The following GFRA2 variants were observed in gnomAD, a reference collection of about 807,000 sequenced individuals.
GFRA2 encodes GDNF family receptor alpha 2, also known as GDNF family receptor alpha-2.
GFRA2 carries 17 observed loss-of-function variants against 48.3 expected under a neutral mutation model. The ratio of observed to expected loss-of-function variants is 0.35; its 90% CI spans 0.24 to 0.53. GFRA2 has a LOEUF of 0.53. GFRA2 is among the 20% of genes least tolerant of loss of function. The pLI, the probability that GFRA2 is intolerant of heterozygous loss-of-function variation, is 0.93. For missense variants in GFRA2, 660 were observed against 637.3 expected, an observed-to-expected ratio of 1.04 and a Z score of -0.38; for synonymous variants, 305 against 257.2, an observed-to-expected ratio of 1.19 and a Z score of -1.78.
In GFRA2 at chr8:21,782,813, C is replaced by G; in HGVS notation, c.127G>C (p.Ala43Pro). The change falls in exon 2 of 9, where the codon GCC (alanine) becomes CCC (proline). Residue 43 changes from alanine (A) to proline (P), a missense_variant. Physicochemically the swap from Ala to Pro is conservative, Grantham distance 27 (BLOSUM62 -1). Coordinates refer to ENST00000524240, the MANE Select transcript of GFRA2 (RefSeq NM_001495.5). The stretch of plus-strand genomic sequence containing the variant: ...GATTCGGCGGCACACAGCTCATTGG[C>G]CCGGACACAGTCCACTGGGGGGCGC... ...GWRPPVDCVR[A>P]NELCAAESNC... The G allele has an allele frequency of 1.3e-6, 2 of 1,576,710 alleles. No individual in the cohort carries two copies. Among genetic ancestry groups the G allele is most frequent in the Non-Finnish European group, 1.7e-6 (2 of 1,167,028 alleles).
intron 2 of GFRA2, among the ~76,000 whole-genome samples, chr8:21,804,199 T>C (rs978516931): frequency 1.6e-5 from 2 of 123,430 alleles, no homozygotes; most frequent in Non-Finnish European, 1.5e-5. Flanking sequence ...CATACATACA[T>C]GCACACACAC....
In GFRA2 at chr8:21,691,549, T is replaced by C. The variant is rs1801883766; in HGVS notation, c.*1729A>G. ...GACCCAAAAGGCCAGGTCACTGCAC[T>C]CACAATCACACATCTCAAATAAGCC... On this transcript the variant is annotated 3_prime_UTR_variant, in exon 9 of 9. Transcript: ENST00000524240. The C allele has an allele frequency of 6.6e-6, 1 of 152,292 alleles. No individual in the cohort carries two copies. The highest frequency in any genetic ancestry group is 2.4e-5 in the African/African-American group (1 of 41,462). 9.4% of individuals were successfully genotyped at this position (152,292 alleles called of 1,614,324 possible).
At chr8:21,739,229 A>G (rs1181610884) in intron 4 of GFRA2, among the ~76,000 whole-genome samples, 1 of 152,144 alleles carries the variant, frequency 6.6e-6, no homozygotes, top group Admixed American at 6.5e-5. Flanking sequence ...CTCATAAGTC[A>G]ATGTCCTCAT....
intron 3 of GFRA2, among the ~76,000 whole-genome samples, chr8:21,764,311 G>C (rs1384149808): frequency 6.6e-6 from 1 of 152,074 alleles, no homozygotes; most frequent in Non-Finnish European, 1.5e-5. Flanking sequence ...AGGGGCAAGT[G>C]AGCTCTCCAG....
intron 1 of GFRA2, among the ~76,000 whole-genome samples, chr8:21,808,408 G>C (rs1165493819): frequency 1.3e-5 from 2 of 152,220 alleles, no homozygotes; most frequent in African/African-American, 4.8e-5. Context: ...GCATTGCTAT[G>C]ATGGAGGAGG....
Position 21,811,655 on chromosome 8 carries a change from C to G in GFRA2, c.-148+576G>C, listed in dbSNP as rs570115189. ...AGGGACCCTGGCCTTCTCCTGCATA[C>G]AAGTCCTCCCCCCGCCTTCCCCACA... On this transcript the variant is annotated intron_variant, in intron 1 of 10. Coordinates refer to the GFRA2 transcript ENST00000517328. Among the ~76,000 whole-genome samples, 246 of 152,196 alleles carry G rather than the reference C, an allele frequency of 1.6e-3. 1 individual carries two copies. Among genetic ancestry groups the G allele is most frequent in the Middle Eastern group, 6.8e-3 (2 of 294 alleles).
intron 4 of GFRA2, among the ~76,000 whole-genome samples, chr8:21,741,096 TCA>T (rs1804723416): frequency 6.6e-6 from 1 of 152,212 alleles, no homozygotes; most frequent in African/African-American, 2.4e-5. Flanking sequence ...ATCTTTCTTA[TCA>T]CAGTTTTTCA....
intron 2 of GFRA2, among the ~76,000 whole-genome samples, chr8:21,795,402 T>A (rs1807653014): frequency 6.6e-6 from 1 of 152,142 alleles, no homozygotes; most frequent in Non-Finnish European, 1.5e-5. Context: ...TTATTTATTT[T>A]TTTTATTTGA....
At chr8:21,779,068 C>T (rs1806847612) in intron 2 of GFRA2, among the ~76,000 whole-genome samples, 1 of 151,426 alleles carries the variant, frequency 6.6e-6, no homozygotes, top group South Asian at 2.1e-4. Context: ...GTCATAGTAG[C>T]AGGCTCCAGT....
chr8:21,743,863 C>T (rs1804868700), intron 4 of GFRA2, among the ~76,000 whole-genome samples: 1 of 152,170 alleles, frequency 6.6e-6, no homozygotes, highest in Non-Finnish European at 1.5e-5. Flanking sequence ...GGAAGAGGTT[C>T]CTATGCTTTG....
At chr8:21,700,486 C>T (rs1014061219) in intron 7 of GFRA2, among the ~76,000 whole-genome samples, 2 of 152,186 alleles carry the variant, frequency 1.3e-5, no homozygotes, top group Admixed American at 6.5e-5. Context: ...CCACTCCCAC[C>T]GTGGGAAAGT....
At chr8:21,727,093 G>A (rs968318171) in intron 4 of GFRA2, among the ~76,000 whole-genome samples, 1 of 152,050 alleles carries the variant, frequency 6.6e-6, no homozygotes, top group Non-Finnish European at 1.5e-5. Context: ...CTGAAGTTCC[G>A]GGTGGACATA....
At chr8:21,775,953 T>C (rs927743649) in intron 2 of GFRA2, among the ~76,000 whole-genome samples, 2 of 151,656 alleles carry the variant, frequency 1.3e-5, no homozygotes, top group Non-Finnish European at 2.9e-5. Flanking sequence ...TGAGACGTTA[T>C]TGGTGAGGGG....
intron 4 of GFRA2, among the ~76,000 whole-genome samples, chr8:21,739,885 A>G (rs1248112554): frequency 6.6e-6 from 1 of 152,150 alleles, no homozygotes; most frequent in Admixed American, 6.6e-5. Context: ...CTGGGCCATC[A>G]AGGTTGCTCA....
chr8:21,778,527 C>T (rs75620886), intron 2 of GFRA2, among the ~76,000 whole-genome samples: 1 of 152,354 alleles, frequency 6.6e-6, no homozygotes, highest in South Asian at 2.1e-4. Flanking sequence ...AGTGCTGTTA[C>T]CTTCTGAGGC....
rs942326277 is a variant in GFRA2, at chr8:21,783,637, C to T, written c.41-738G>A. Among the ~76,000 whole-genome samples the T allele has an allele frequency of 8.5e-5, 13 of 152,056 alleles. No individual in the cohort carries two copies. The East Asian group carries it at 9.7e-4, about 11-fold the overall frequency. ...GAGGAGCTACCCCTTTCCCCCCTCACCCCTCCACACCTTCTAGTCCAACTT... is the reference window on the plus strand; with the variant it reads ...GAGGAGCTACCCCTTTCCCCCCTCATCCCTCCACACCTTCTAGTCCAACTT... On this transcript the variant is annotated intron_variant, in intron 1 of 8. Transcript: ENST00000524240.
intron 2 of GFRA2, among the ~76,000 whole-genome samples, chr8:21,781,875 G>T (rs1318996421): frequency 6.6e-6 from 1 of 152,168 alleles, no homozygotes. Context: ...TTGGCGGGGG[G>T]ACTTATAGGT....
chr8:21,704,855 C>T, intron 6 of GFRA2, 130 bp downstream of exon 6: 2 of 752,040 alleles, frequency 2.7e-6, no homozygotes, highest in East Asian at 2.7e-5. Flanking sequence ...TCCCCACGGG[C>T]AACACCCATG....
intron 4 of GFRA2, among the ~76,000 whole-genome samples, chr8:21,711,023 T>C (rs62492241): frequency 2.0e-5 from 3 of 152,196 alleles, no homozygotes; most frequent in Non-Finnish European, 1.5e-5. Flanking sequence ...TATAATTTCC[T>C]TGAAGCCCTG....
Sources: allele counts gnomAD v4.1 joint callset (sites outside exome capture counted in the v4.1 genomes callset), GRCh38; gene constraint gnomAD v4.1.1; transcripts MANE v1.5; gene names NCBI Gene and HGNC (gene_info 2026-07-23, HGNC 2026-07-21).